NDUFS4: variants seen among roughly 807,000 people sequenced by gnomAD.
The protein encoded by NDUFS4 is NADH dehydrogenase [ubiquinone] iron-sulfur protein 4, mitochondrial.
A neutral mutation model predicts 24.3 loss-of-function variants in NDUFS4; 28 were observed. That is an observed-to-expected ratio of 1.15 (90% CI 0.85 to 1.58). The LOEUF is 1.58. NDUFS4 is among the 40% of genes most tolerant of loss of function. The pLI, the probability that NDUFS4 is intolerant of heterozygous loss-of-function variation, is 0.00. For missense variants in NDUFS4, 223 were observed against 207.9 expected (o/e 1.07, Z -0.45); for synonymous variants, 93 against 69.7 (o/e 1.34, Z -1.67).
Position 53,560,643 on chromosome 5 carries a change from TG to T in NDUFS4, c.-18del. On this transcript the variant is annotated 5_prime_UTR_variant, in exon 1 of 5. Transcript: ENST00000296684. ...CTTGCGGTGATCCGTCCTTTCATCC[TG>T]GCGTTTGCCTGCAGCAAGATGGCGG... 6.2e-7 allele frequency: 1 copy of T among 1,614,264 alleles called. No homozygotes were observed. Among genetic ancestry groups the T allele is most frequent in the Non-Finnish European group, 8.5e-7 (1 of 1,180,046 alleles).
rs70983372 is a variant in NDUFS4, at chr5:53,675,157, C to CTTTT, written c.425-7942_425-7939dup. Among the ~76,000 whole-genome samples the CTTTT allele has an allele frequency of 5.3e-4, 55 of 102,948 alleles. 1 individual carries two copies. Among genetic ancestry groups the CTTTT allele is most frequent in the East Asian group, 1.4e-3 (4 of 2,932 alleles). 67.5% of individuals were successfully genotyped at this position (102,948 alleles called of 152,430 possible). A position where few individuals can be genotyped will look rare whatever the true frequency, so the allele number is the denominator to read the frequency against. On this transcript the variant is annotated intron_variant, in intron 4 of 4. Coordinates refer to ENST00000296684, the MANE Select transcript of NDUFS4 (RefSeq NM_002495.4). ...CTATAAGCTAATCAGAACAGAGTTC[C>CTTTT]TTTTTTTTTTTTTTTTTTTTTTGAG...
chr5:53,588,977 G>T (rs1230002530), intron 1 of NDUFS4, among the ~76,000 whole-genome samples: 1 of 150,202 alleles, frequency 6.7e-6, no homozygotes, highest in African/African-American at 2.4e-5. Flanking sequence ...AAAATGCATA[G>T]CCATCTTAAA....
At chr5:53,662,255 CAT>C (rs1408437311) in intron 4 of NDUFS4, among the ~76,000 whole-genome samples, 1 of 152,170 alleles carries the variant, frequency 6.6e-6, no homozygotes, top group East Asian at 1.9e-4. Flanking sequence ...TTCAGATAAT[CAT>C]GTGGTTTTTG....
chr5:53,642,877 C>T (rs1214346575), intron 2 of NDUFS4, among the ~76,000 whole-genome samples: 2 of 152,084 alleles, frequency 1.3e-5, no homozygotes, highest in African/African-American at 2.4e-5. Context: ...GGAATTATGA[C>T]ATGCATCTTT....
At chr5:53,627,390 TA>T (rs1186636181) in intron 2 of NDUFS4, among the ~76,000 whole-genome samples, 3 of 152,220 alleles carry the variant, frequency 2.0e-5, no homozygotes, top group African/African-American at 7.2e-5. Context: ...ATATGAAATT[TA>T]AAGTAGTTTT....
chr5:53,677,893 A>G (rs1740529428), intron 4 of NDUFS4, among the ~76,000 whole-genome samples: 1 of 152,250 alleles, frequency 6.6e-6, no homozygotes, highest in African/African-American at 2.4e-5. Context: ...TTAGGTTATT[A>G]GAGAAGACAG....
intron 1 of NDUFS4, among the ~76,000 whole-genome samples, chr5:53,561,126 C>T (rs911001420): frequency 1.3e-5 from 2 of 152,128 alleles, no homozygotes; most frequent in African/African-American, 4.8e-5. Flanking sequence ...TTCCATTTGT[C>T]ACCTGTTTGC....
In NDUFS4 at chr5:53,571,125, T is replaced by C. The variant is rs547025173; in HGVS notation, c.98+10365T>C. Among the ~76,000 whole-genome samples, 5 of 152,334 alleles carry C rather than the reference T, an allele frequency of 3.3e-5. No individual in the cohort carries two copies. The South Asian group carries it at 1.0e-3, about 32-fold the overall frequency. On this transcript the variant is annotated intron_variant, in intron 1 of 4. Transcript: ENST00000296684. ...GTATACAATTTGACTGGTTTTCATA[T>C]ATTCCCAGAATTGTACAACCAAAAC... is the stretch of plus-strand genomic sequence containing the variant.
chr5:53,632,517 T>A (rs996323305), intron 2 of NDUFS4, among the ~76,000 whole-genome samples: 6 of 152,188 alleles, frequency 3.9e-5, no homozygotes, highest in Non-Finnish European at 8.8e-5. Context: ...TTTGCTTAAC[T>A]CCTCTTCAGA....
At chr5:53,658,815 A>T in intron 4 of NDUFS4, 191 bp downstream of exon 4, 1 of 565,682 alleles carries the variant, frequency 1.8e-6, no homozygotes, top group Non-Finnish European at 3.1e-6. Context: ...CCTAAATTGG[A>T]ATGCTCATAC....
intron 1 of NDUFS4, among the ~76,000 whole-genome samples, chr5:53,588,171 C>G (rs1294070262): frequency 6.6e-6 from 1 of 152,190 alleles, no homozygotes; most frequent in Non-Finnish European, 1.5e-5. Flanking sequence ...ACACTGTAGA[C>G]TGTTAAGTGT....
intron 1 of NDUFS4, among the ~76,000 whole-genome samples, chr5:53,563,538 G>A (rs1748926435): frequency 6.7e-6 from 1 of 148,664 alleles, no homozygotes. Context: ...TTTCGCTCTT[G>A]TCACCCATTC....
chr5:53,566,278 A>C (rs936787067), intron 1 of NDUFS4, among the ~76,000 whole-genome samples: 4 of 152,224 alleles, frequency 2.6e-5, no homozygotes, highest in African/African-American at 9.6e-5. Flanking sequence ...CATAGAATTT[A>C]GTCAGAATAC....
intron 4 of NDUFS4, among the ~76,000 whole-genome samples, chr5:53,667,148 A>C (rs1384294187): frequency 6.6e-6 from 1 of 152,036 alleles, no homozygotes; most frequent in Non-Finnish European, 1.5e-5. Context: ...GATCTAAATA[A>C]ACACCATTGA....
intron 2 of NDUFS4, among the ~76,000 whole-genome samples, chr5:53,633,790 G>T (rs1056458921): frequency 6.6e-6 from 1 of 152,168 alleles, no homozygotes; most frequent in Admixed American, 6.5e-5. Flanking sequence ...ATTGTAAAAA[G>T]ATTGTGTGTG....
intron 1 of NDUFS4, among the ~76,000 whole-genome samples, chr5:53,564,771 C>G (rs1748966616): frequency 6.6e-6 from 1 of 152,164 alleles, no homozygotes; most frequent in Admixed American, 6.5e-5. Context: ...CCCAAGTGAT[C>G]CGTGTGCCTT....
rs190264580 is a variant in NDUFS4 at position 53,606,082 on chromosome 5, G to A, written c.177+2552G>A. On this transcript the variant is annotated intron_variant, in intron 2 of 4. Transcript: ENST00000296684. ...GCCTGTAGTCCCAGCTACTCAGGAG[G>A]CTGAGGCAGGAGAATGGTGTGAACC... 4.3e-3 allele frequency among the ~76,000 whole-genome samples: 658 copies of A among 151,974 alleles called. 4 individuals carry two copies. The highest frequency in any genetic ancestry group is 0.015 in the African/African-American group (612 of 41,444).
At chr5:53,612,592 A>G (rs1417204422) in intron 2 of NDUFS4, among the ~76,000 whole-genome samples, 1 of 152,082 alleles carries the variant, frequency 6.6e-6, no homozygotes, top group Admixed American at 6.6e-5. Flanking sequence ...TGTTGTCAGT[A>G]TTCTGAATGT....
chr5:53,574,744 A>G (rs550328092), intron 1 of NDUFS4, among the ~76,000 whole-genome samples: 8 of 152,126 alleles, frequency 5.3e-5, no homozygotes, highest in Middle Eastern at 3.4e-3. Context: ...TTTAATTTCC[A>G]TGTATTTGGA....
Sources: allele counts gnomAD v4.1 joint callset (sites outside exome capture counted in the v4.1 genomes callset), GRCh38; gene constraint gnomAD v4.1.1; transcripts MANE v1.5; gene names NCBI Gene and HGNC (gene_info 2026-07-23, HGNC 2026-07-21).